GATAD2B: variants seen among roughly 807,000 people sequenced by gnomAD.
GATAD2B encodes the protein transcriptional repressor p66-beta.
In GATAD2B, 8 loss-of-function variants were observed where a neutral mutation model predicts 64.3. That is an observed-to-expected ratio of 0.12 (90% CI 0.07 to 0.22). GATAD2B has a LOEUF of 0.22. Ranked by LOEUF, GATAD2B falls within the 10% of genes least tolerant of loss-of-function variation. The pLI is 1.00. For missense variants in GATAD2B, 453 were observed against 752.0 expected (o/e 0.60, Z 4.65); for synonymous variants, 281 against 271.3 (o/e 1.04, Z -0.35).
intron 2 of GATAD2B, 36 bp from the exon 3 acceptor site, chr1:153,819,771 CA>C: frequency 6.4e-7 from 1 of 1,565,666 alleles, no homozygotes; most frequent in Non-Finnish European, 8.6e-7. Context: ...CTATTTCCAA[CA>C]AAAGTTAAGA....
At chr1:153,843,847 A>G (rs1283415504) in intron 1 of GATAD2B, among the ~76,000 whole-genome samples, 2 of 151,214 alleles carry the variant, frequency 1.3e-5, no homozygotes, top group Non-Finnish European at 2.9e-5. Flanking sequence ...AACAAAAACC[A>G]TAAAAACAAG....
At chr1:153,851,915 A>G (rs1458544707) in intron 1 of GATAD2B, among the ~76,000 whole-genome samples, 2 of 152,182 alleles carry the variant, frequency 1.3e-5, no homozygotes, top group Admixed American at 1.3e-4. Flanking sequence ...TTACCAGGTG[A>G]ACAGAAATCA....
intron 7 of GATAD2B, among the ~76,000 whole-genome samples, chr1:153,815,161 T>A (rs1674423237): frequency 7.2e-6 from 1 of 139,082 alleles, no homozygotes; most frequent in South Asian, 2.3e-4. Context: ...TGGTCCCAGT[T>A]ACTCAGGAGG....
rs957840640 is a variant in GATAD2B at position 153,829,386 on chromosome 1, G to C, written c.-1-1038C>G. Among the ~76,000 whole-genome samples, 7 of 152,162 alleles carry C rather than the reference G, an allele frequency of 4.6e-5. No individual in the cohort carries two copies. The South Asian group carries it at 6.2e-4, about 14-fold the overall frequency. ...GTTAACCAGGTCAAATATTTAGTAA[G>C]TTATTTTACCTTCCCAAGTTTCAAT... On this transcript the variant is annotated intron_variant, in intron 1 of 10. Transcript: ENST00000368655.
intron 2 of GATAD2B, among the ~76,000 whole-genome samples, chr1:153,824,437 G>A (rs1388746903): frequency 1.3e-5 from 2 of 151,774 alleles, no homozygotes; most frequent in Non-Finnish European, 2.9e-5. Flanking sequence ...AGACCATCTG[G>A]CCAACATGGC....
At chr1:153,864,641 AAG>A (rs1177529863) in intron 1 of GATAD2B, among the ~76,000 whole-genome samples, 1 of 152,110 alleles carries the variant, frequency 6.6e-6, no homozygotes, top group Non-Finnish European at 1.5e-5. Flanking sequence ...GAAGAAAAGA[AAG>A]AGATGAAAGA....
chr1:153,831,930 C>G (rs1675090076), intron 1 of GATAD2B, among the ~76,000 whole-genome samples: 1 of 152,108 alleles, frequency 6.6e-6, no homozygotes. Flanking sequence ...TAAAGGAAAA[C>G]AAGGCCAGGC....
intron 8 of GATAD2B, 46 bp from the exon 9 acceptor site, chr1:153,812,178 A>T: frequency 1.0e-6 from 1 of 989,088 alleles, no homozygotes; most frequent in South Asian, 1.4e-5. Context: ...ACAGCACCCA[A>T]TACCCAATTT....
chr1:153,893,394 C>A (rs1677481760), intron 1 of GATAD2B, among the ~76,000 whole-genome samples: 1 of 151,550 alleles, frequency 6.6e-6, no homozygotes, highest in African/African-American at 2.4e-5. Context: ...ATCACTTGAG[C>A]CCAGAAGTTT....
At chr1:153,904,215 G>T (rs1482349507) in intron 1 of GATAD2B, among the ~76,000 whole-genome samples, 1 of 151,970 alleles carries the variant, frequency 6.6e-6, no homozygotes, top group African/African-American at 2.4e-5. Context: ...GGAAGACAGA[G>T]GGTTCAGTGA....
chr1:153,848,186 A>G (rs1004275856), intron 1 of GATAD2B, among the ~76,000 whole-genome samples: 1 of 152,136 alleles, frequency 6.6e-6, no homozygotes, highest in Non-Finnish European at 1.5e-5. Context: ...TCACTGCCCC[A>G]TGTCCCTGAA....
chr1:153,887,468 A>C (rs1054831797), intron 1 of GATAD2B, among the ~76,000 whole-genome samples: 1 of 152,226 alleles, frequency 6.6e-6, no homozygotes, highest in African/African-American at 2.4e-5. Context: ...AATTTTGGCT[A>C]AAGTAAAAAC....
intron 1 of GATAD2B, among the ~76,000 whole-genome samples, chr1:153,890,285 A>G (rs1405327814): frequency 6.6e-6 from 1 of 151,834 alleles, no homozygotes; most frequent in Non-Finnish European, 1.5e-5. Flanking sequence ...TCAAGAGATC[A>G]AGACCATCCT....
chr1:153,902,836 T>C (rs1449633917), intron 1 of GATAD2B, among the ~76,000 whole-genome samples: 2 of 152,168 alleles, frequency 1.3e-5, no homozygotes, highest in African/African-American at 4.8e-5. Context: ...AACGTACCTA[T>C]GTTTATATCT....
rs183137818 is a variant in GATAD2B, at chr1:153,873,545, C to T, written c.-1-45197G>A. Among the ~76,000 whole-genome samples, 51 of 152,326 alleles carry T rather than the reference C, an allele frequency of 3.3e-4. No individual in the cohort carries two copies. In the South Asian group the frequency reaches 5.8e-3, roughly 17 times the overall value. On this transcript the variant is annotated intron_variant, in intron 1 of 10. Transcript: ENST00000368655. ...TCGTTAGTCCCCTCACCATGTGATG[C>T]CCTGTGCCACTCTGGAACTCTGCAA...
rs1403493322 is a variant in GATAD2B at position 153,819,658 on chromosome 1, G to C, written c.413C>G (p.Ser138Cys). 6.2e-7 allele frequency: 1 copy of C among 1,611,348 alleles called. No homozygotes were observed. The highest frequency in any genetic ancestry group is 8.5e-7 in the Non-Finnish European group (1 of 1,178,196). Residue 138 changes from serine to cysteine, a missense_variant, in exon 3 of 11, where the codon TCC becomes TGC. By Grantham distance (112) the Ser-to-Cys change is moderately radical (BLOSUM62 -1). Transcript: ENST00000368655. ...GAGTCTTTCTTCCATTCTGGAACTG[G>C]AACGGGGACTGGAAGCCTCATTGTC... ...LSDNEASSPR[S>C]SSRMEERLKA...
chr1:153,904,430 ATCTTAATT>A (rs1275437073), intron 1 of GATAD2B, among the ~76,000 whole-genome samples: 1 of 152,174 alleles, frequency 6.6e-6, no homozygotes, highest in African/African-American at 2.4e-5. Context: ...TTCACTCTAT[ATCTTAATT>A]TTTTAAAATG....
chr1:153,822,470 A>C (rs1350232229), intron 2 of GATAD2B, among the ~76,000 whole-genome samples: 1 of 152,224 alleles, frequency 6.6e-6, no homozygotes, highest in East Asian at 1.9e-4. Flanking sequence ...AGATATAAAC[A>C]CACCGGTATT....
chr1:153,852,168 A>C lies in GATAD2B; in HGVS notation c.-1-23820T>G, dbSNP rs1193347208. On this transcript the variant is annotated intron_variant, in intron 1 of 10. Transcript: ENST00000368655. ...TGTCCATCTCTGCACTTTGGTCCTAAGCATTCTGAGACTCAGTCAGTTGAG... is the reference window on the plus strand; with the variant it reads ...TGTCCATCTCTGCACTTTGGTCCTACGCATTCTGAGACTCAGTCAGTTGAG... 3.7e-6 allele frequency: 3 copies of C among 818,144 alleles called. No homozygotes were observed. The South Asian group carries it at 4.5e-5, about 12-fold the overall frequency. The allele number at this position is 818,144 out of a possible 1,614,324, so 50.7% of individuals were successfully genotyped here. A position where few individuals can be genotyped will look rare whatever the true frequency, so the allele number is the denominator to read the frequency against.
Sources: gnomAD v4.1 joint callset for allele counts (sites outside exome capture counted in the v4.1 genomes callset) on GRCh38, gnomAD v4.1.1 for gene constraint, MANE v1.5 for transcripts, NCBI Gene and HGNC (gene_info 2026-07-23, HGNC 2026-07-21) for gene names.